FGFR2: variants seen among roughly 807,000 people sequenced by gnomAD.
The protein encoded by FGFR2 is BEK fibroblast growth factor receptor.
FGFR2 carries 19 observed loss-of-function variants against 95.9 expected under a neutral mutation model. The ratio of observed to expected loss-of-function variants is 0.20; its 90% CI spans 0.14 to 0.29. The LOEUF is 0.29. FGFR2 is among the 10% of genes least tolerant of loss of function. FGFR2 has a pLI of 1.00. For missense variants in FGFR2, 707 were observed against 1,056.9 expected, an observed-to-expected ratio of 0.67 and a Z score of 4.59; for synonymous variants, 392 against 393.3, an observed-to-expected ratio of 1.00 and a Z score of 0.04.
rs779643182 is a variant in FGFR2 at position 121,497,590 on chromosome 10, GC to G, written c.1673-869del. On this transcript the variant is annotated intron_variant, in intron 12 of 17. Coordinates refer to ENST00000358487, the MANE Select transcript of FGFR2 (RefSeq NM_000141.5). ...CATAGGCATTTGCTTCCAGGTTTCA[GC>G]CATAACAAACAGTAGGCAATGAACA... Among the ~76,000 whole-genome samples, 10 of 152,204 alleles carry G rather than the reference GC, an allele frequency of 6.6e-5. 1 individual carries two copies. The highest frequency in any genetic ancestry group is 5.2e-4 in the Admixed American group (8 of 15,310).
chr10:121,489,361 A>C (rs2133856059), intron 13 of FGFR2, among the ~76,000 whole-genome samples: 1 of 152,210 alleles, frequency 6.6e-6, no homozygotes, highest in Non-Finnish European at 1.5e-5. Context: ...GGTGTAAGCC[A>C]CCACACCCAG....
chr10:121,544,174 A>G (rs1372430421), intron 5 of FGFR2, among the ~76,000 whole-genome samples: 1 of 152,142 alleles, frequency 6.6e-6, no homozygotes, highest in Non-Finnish European at 1.5e-5. Flanking sequence ...GGGGCCGGGC[A>G]CAGTGGCTCA....
At chr10:121,573,268 A>C (rs540657837) in intron 2 of FGFR2, among the ~76,000 whole-genome samples, 9 of 152,350 alleles carry the variant, frequency 5.9e-5, no homozygotes, top group African/African-American at 2.2e-4. Flanking sequence ...TTAAACTGTT[A>C]AGGAAGAAAA....
intron 4 of FGFR2, among the ~76,000 whole-genome samples, chr10:121,557,368 G>A (rs1856302107): frequency 6.6e-6 from 1 of 152,150 alleles, no homozygotes; most frequent in African/African-American, 2.4e-5. Context: ...CACTGCAGTG[G>A]TACAACCACA....
At chr10:121,558,640 C>A (rs1856523644) in intron 4 of FGFR2, among the ~76,000 whole-genome samples, 1 of 148,328 alleles carries the variant, frequency 6.7e-6, no homozygotes. Flanking sequence ...CGGAGTCTCA[C>A]TCTGTCGCCC....
At position 121,597,076 on chromosome 10, in the gene FGFR2, G is replaced by T. The variant is rs190983270; in HGVS notation, c.-151+886C>A. On this transcript the variant is annotated intron_variant, in intron 1 of 17. Transcript: ENST00000358487. Reference sequence around the variant, plus strand: ...CTTTAAGGGTAGGTTTTATTGAATTGGGAGAAAGGAAGGAGGGTCTGGAGA... The same window carrying T: ...CTTTAAGGGTAGGTTTTATTGAATTTGGAGAAAGGAAGGAGGGTCTGGAGA... 5.3e-5 allele frequency among the ~76,000 whole-genome samples: 8 copies of T among 152,310 alleles called. No homozygotes were observed. In the East Asian group the frequency reaches 1.5e-3, roughly 29 times the overall value.
At chr10:121,587,356 T>G (rs1861987002) in intron 2 of FGFR2, among the ~76,000 whole-genome samples, 1 of 152,200 alleles carries the variant, frequency 6.6e-6, no homozygotes. Context: ...GGGCAAAGAT[T>G]TCATGACAAA....
intron 9 of FGFR2, among the ~76,000 whole-genome samples, chr10:121,510,559 G>A (rs1194298102): frequency 6.6e-6 from 1 of 152,096 alleles, no homozygotes; most frequent in Non-Finnish European, 1.5e-5. Flanking sequence ...CAGTAAACGA[G>A]CTTCTGGGAG....
At chr10:121,522,122 A>AG (rs1850642502) in intron 6 of FGFR2, among the ~76,000 whole-genome samples, 1 of 152,174 alleles carries the variant, frequency 6.6e-6, no homozygotes, top group Non-Finnish European at 1.5e-5. Context: ...GGTGGTTGCC[A>AG]GGGGCTGGGA....
At chr10:121,499,158 A>G (rs879835604) in intron 11 of FGFR2, among the ~76,000 whole-genome samples, 1 of 152,168 alleles carries the variant, frequency 6.6e-6, no homozygotes, top group Non-Finnish European at 1.5e-5. Flanking sequence ...CTCAGAGGGC[A>G]CTGCAGTTCC....
intron 6 of FGFR2, among the ~76,000 whole-genome samples, chr10:121,523,789 T>C (rs1850899714): frequency 6.6e-6 from 1 of 152,206 alleles, no homozygotes; most frequent in Admixed American, 6.5e-5. Flanking sequence ...ACAAAGGTCA[T>C]AAAATCTTAA....
chr10:121,582,935 C>T (rs1218789248), intron 2 of FGFR2, among the ~76,000 whole-genome samples: 1 of 152,196 alleles, frequency 6.6e-6, no homozygotes, highest in Non-Finnish European at 1.5e-5. Context: ...CCTCGATTCA[C>T]CTACACATTA....
chr10:121,543,276 G>A (rs576623995), intron 5 of FGFR2, among the ~76,000 whole-genome samples: 5 of 152,276 alleles, frequency 3.3e-5, no homozygotes, highest in East Asian at 3.9e-4. Context: ...TTGGGAGGCC[G>A]AGGCGGGCAG....
At chr10:121,524,990 T>G (rs903338055) in intron 6 of FGFR2, among the ~76,000 whole-genome samples, 1 of 152,240 alleles carries the variant, frequency 6.6e-6, no homozygotes, top group Non-Finnish European at 1.5e-5. Context: ...AAATCACATC[T>G]TCTCCACCAG....
intron 17 of FGFR2, chr10:121,481,840 AT>A (rs1206908851): frequency 0.017 from 2,892 of 173,032 alleles, 4 homozygotes; most frequent in Middle Eastern, 0.042. Context: ...TTTTATTTTT[AT>A]TTTTTTTTTT....
intron 14 of FGFR2, 74 bp from the exon 15 acceptor site, chr10:121,487,498 T>C (rs1395677934): frequency 8.1e-7 from 1 of 1,231,748 alleles, no homozygotes; most frequent in Non-Finnish European, 1.2e-6. Flanking sequence ...AATAGGGCTA[T>C]GCCCTGTTTA....
chr10:121,549,019 A>G (rs10886945), intron 5 of FGFR2, among the ~76,000 whole-genome samples: 73,231 of 151,914 alleles, frequency 0.48, 18,672 homozygotes, highest in Middle Eastern at 0.57. Context: ...GGAGTTGTGG[A>G]AAACAACCAA....
At chr10:121,585,069 G>A (rs1231957055) in intron 2 of FGFR2, among the ~76,000 whole-genome samples, 2 of 152,146 alleles carry the variant, frequency 1.3e-5, no homozygotes, top group Admixed American at 6.6e-5. Context: ...GCTTCAAACA[G>A]AAAACTCTTT....
At chr10:121,513,220 GTATACATATAA>G (rs1255024413) in intron 9 of FGFR2, among the ~76,000 whole-genome samples, 1 of 152,236 alleles carries the variant, frequency 6.6e-6, no homozygotes, top group Non-Finnish European at 1.5e-5. Flanking sequence ...TTGCATGTGA[GTATACATATAA>G]TTACTTAATT....
Sources: gnomAD v4.1 joint callset for allele counts (sites outside exome capture counted in the v4.1 genomes callset) on GRCh38, gnomAD v4.1.1 for gene constraint, MANE v1.5 for transcripts, NCBI Gene and HGNC (gene_info 2026-07-23, HGNC 2026-07-21) for gene names.